EDEM2: variants seen among roughly 807,000 people sequenced by gnomAD.
EDEM2 encodes ER degradation-enhancing alpha-mannosidase-like protein 2.
A neutral mutation model predicts 64.8 loss-of-function variants in EDEM2; 39 were observed. The observed-to-expected ratio is 0.60, with a 90% confidence interval of 0.47 to 0.79. The LOEUF is 0.79. Ranked by LOEUF, EDEM2 falls within the 30% of genes least tolerant of loss-of-function variation. The pLI is 0.00. For synonymous variants in EDEM2, 296 were observed against 291.5 expected (o/e 1.02, Z -0.16); for missense variants, 609 against 731.3 (o/e 0.83, Z 1.93).
intron 6 of EDEM2, among the ~76,000 whole-genome samples, chr20:35,133,169 G>C (rs906812461): frequency 3.3e-5 from 5 of 152,086 alleles, no homozygotes; most frequent in Non-Finnish European, 5.9e-5. Context: ...GCAGGGAACT[G>C]GAATGTTTAT....
At chr20:35,120,420 C>T (rs1212928326) in intron 9 of EDEM2, among the ~76,000 whole-genome samples, 1 of 151,964 alleles carries the variant, frequency 6.6e-6, no homozygotes, top group East Asian at 1.9e-4. Flanking sequence ...TCTCTTACTT[C>T]CTCCTCCCCT....
chr20:35,147,331 G>A lies in EDEM2; in HGVS notation c.-73C>T. 12 of 1,371,520 alleles carry A rather than the reference G, an allele frequency of 8.7e-6. No homozygotes were observed. Among genetic ancestry groups the A allele is most frequent in the Non-Finnish European group, 1.1e-5 (12 of 1,053,026 alleles). 85.0% of individuals were successfully genotyped at this position (1,371,520 alleles called of 1,614,324 possible). ...ACCAGTTCATCCTGGGAGCTGCTGC[G>A]GGTTCTTCCGGGAATCCGCGCCACT... is the stretch of plus-strand genomic sequence containing the variant. On this transcript the variant is annotated 5_prime_UTR_variant, in exon 1 of 11. Coordinates refer to ENST00000374492, the MANE Select transcript of EDEM2 (RefSeq NM_018217.3).
intron 6 of EDEM2, chr20:35,134,056 C>CA (rs1318468546): frequency 2.2e-6 from 1 of 455,406 alleles, no homozygotes; most frequent in East Asian, 6.9e-5. Flanking sequence ...GGCTTTGGCT[C>CA]AATTACTGTT....
chr20:35,115,407 A>G lies in EDEM2; in HGVS notation c.*26T>C, dbSNP rs950279111. 1 of 1,586,040 alleles carries G rather than the reference A, an allele frequency of 6.3e-7. No homozygotes were observed. The highest frequency in any genetic ancestry group is 8.6e-7 in the Non-Finnish European group (1 of 1,169,482). On this transcript the variant is annotated 3_prime_UTR_variant, in exon 11 of 11. Transcript: ENST00000374492. ...TTTATTATAGTTTAGCCTCAAAAAAATAAAAATAAAAAAATTATCCAGTGG... is the reference window on the plus strand; with the variant it reads ...TTTATTATAGTTTAGCCTCAAAAAAGTAAAAATAAAAAAATTATCCAGTGG...
intron 5 of EDEM2, among the ~76,000 whole-genome samples, chr20:35,136,712 G>A (rs902236686): frequency 2.1e-5 from 3 of 140,842 alleles, no homozygotes; most frequent in Non-Finnish European, 4.5e-5. Flanking sequence ...CCATGATCAC[G>A]CCACTGCACT....
intron 7 of EDEM2, among the ~76,000 whole-genome samples, chr20:35,127,243 A>C (rs550798460): frequency 2.8e-4 from 42 of 152,330 alleles, no homozygotes; most frequent in African/African-American, 9.6e-4. Flanking sequence ...TTTTCTTTAT[A>C]AATTACCCAG....
At position 35,115,650 on chromosome 20, in the gene EDEM2, G is replaced by C; in HGVS notation, c.1520C>G (p.Ser507Cys). ...AAATTTCGACCTGCTCCGTTTGAGAGAGTAGAATTCCCTCATCAAGTCCTC... is the reference window on the plus strand; with the variant it reads ...AAATTTCGACCTGCTCCGTTTGAGACAGTAGAATTCCCTCATCAAGTCCTC... ...EVEDLMREFY[S>C]LKRSRSKFQK... The change falls in exon 11 of 11, where the codon TCT becomes TGT. Residue 507 changes from serine to cysteine, a missense_variant. Physicochemically the swap from Ser to Cys is moderately radical, Grantham distance 112. Coordinates refer to ENST00000374492, the MANE Select transcript of EDEM2 (RefSeq NM_018217.3). 6.2e-7 allele frequency: 1 copy of C among 1,614,064 alleles called. No homozygotes were observed. Among genetic ancestry groups the C allele is most frequent in the Non-Finnish European group, 8.5e-7 (1 of 1,180,040 alleles).
At position 35,142,483 on chromosome 20, in the gene EDEM2, AAATAAAAAAGAGACCTGAC is replaced by A. The variant is rs1318387763; in HGVS notation, c.259-24_259-6del. On this transcript the variant is annotated splice_region_variant and splice_polypyrimidine_tract_variant and intron_variant, in intron 3 of 10. Coordinates refer to ENST00000374492, the MANE Select transcript of EDEM2 (RefSeq NM_018217.3). ...TTCTGAGACATTCCCCAAAATCTGGAAATAAAAAAGAGACCTGACAATGAGGCTCTTACATGCATGGAGG... is the reference window on the plus strand; with the variant it reads ...TTCTGAGACATTCCCCAAAATCTGGAAATGAGGCTCTTACATGCATGGAGG... 6 of 1,611,302 alleles carry A rather than the reference AAATAAAAAAGAGACCTGAC, an allele frequency of 3.7e-6. No homozygotes were observed. In the Admixed American group the frequency reaches 1.0e-4, roughly 27 times the overall value.
chr20:35,135,518 G>A (rs1457350670), intron 5 of EDEM2, among the ~76,000 whole-genome samples: 1 of 152,194 alleles, frequency 6.6e-6, no homozygotes, highest in Non-Finnish European at 1.5e-5. Context: ...AAGCGTGGTG[G>A]TGCACGCCTG....
In EDEM2 at chr20:35,115,841, T is replaced by A. The variant is rs750693418; in HGVS notation, c.1329A>T (p.Pro443=). Residue 443 remains proline (P), a synonymous_variant, in exon 11 of 11, where the codon CCA becomes CCT. Transcript: ENST00000374492. ...TVKYLYLLFD[P]TNFIHNNGST... The stretch of plus-strand genomic sequence containing the variant: ...ACCCATTGTTGTGGATGAAGTTGGT[T>A]GGGTCAAACAGGAGGTAGAGGTATT... The A allele has an allele frequency of 6.2e-7, 1 of 1,613,634 alleles. No homozygotes were observed. Among genetic ancestry groups the A allele is most frequent in the African/African-American group, 1.3e-5 (1 of 74,546 alleles).
At position 35,140,895 on chromosome 20, in the gene EDEM2, G is replaced by A. The variant is rs150527546; in HGVS notation, c.364+1478C>T. ...GCACTTTGGGAGGCTGATGGGGGGC[G>A]GATCACCTGAGGTCAGGAGTTCGAG... On this transcript the variant is annotated intron_variant, in intron 4 of 10. Coordinates refer to ENST00000374492, the MANE Select transcript of EDEM2 (RefSeq NM_018217.3). Among the ~76,000 whole-genome samples, 590 of 152,132 alleles carry A rather than the reference G, an allele frequency of 3.9e-3. 6 individuals carry two copies. Among genetic ancestry groups the A allele is most frequent in the African/African-American group, 0.013 (556 of 41,510 alleles).
intron 5 of EDEM2, among the ~76,000 whole-genome samples, chr20:35,136,418 C>T (rs75648520): frequency 0.091 from 13,888 of 152,142 alleles, 729 homozygotes; most frequent in South Asian, 0.16. Context: ...CTAGCTCACC[C>T]GCTATCCTCA....
At chr20:35,128,287 G>GTGGGTGGAGAT (rs2085462787) in intron 7 of EDEM2, among the ~76,000 whole-genome samples, 17 of 150,484 alleles carry the variant, frequency 1.1e-4, no homozygotes, top group African/African-American at 2.0e-4. Flanking sequence ...GGAGGCTGAG[G>GTGGGTGGAGAT]CAGGAGAATG....
intron 8 of EDEM2, among the ~76,000 whole-genome samples, chr20:35,125,446 G>T (rs192079459): frequency 1.3e-5 from 2 of 151,632 alleles, no homozygotes; most frequent in African/African-American, 2.4e-5. Flanking sequence ...GTGCAGTGGC[G>T]CAATCTCAGC....
Position 35,118,709 on chromosome 20 carries a change from T to C in EDEM2, c.1125A>G (p.Glu375=). Residue 375 remains glutamate (E), a synonymous_variant, in exon 10 of 11, where the codon GAA becomes GAG. Coordinates refer to ENST00000374492, the MANE Select transcript of EDEM2 (RefSeq NM_018217.3). ...TGGCACGGTAGAGGTACATTGCGCT[T>C]TCAATAAGTTCTGCAAAGTCCAAAG... ...EGYPLRPELI[E]SAMYLYRATG... 2 of 1,612,256 alleles carry C rather than the reference T, an allele frequency of 1.2e-6. No homozygotes were observed. The highest frequency in any genetic ancestry group is 2.2e-5 in the South Asian group (2 of 90,998).
rs145409721 is a variant in EDEM2, at chr20:35,142,646, T to C, written c.259-168A>G. On this transcript the variant is annotated intron_variant, in intron 3 of 10. Coordinates refer to ENST00000374492, the MANE Select transcript of EDEM2 (RefSeq NM_018217.3). The stretch of plus-strand genomic sequence containing the variant: ...AAAACACTGAGAGCTAGAAATCATC[T>C]AGAGACTTCATACCAAGAGACTGGT... Among the ~76,000 whole-genome samples, 3 of 152,314 alleles carry C rather than the reference T, an allele frequency of 2.0e-5. No individual in the cohort carries two copies. In the East Asian group the frequency reaches 5.8e-4, roughly 29 times the overall value.
chr20:35,141,472 C>T (rs1439924376), intron 4 of EDEM2, among the ~76,000 whole-genome samples: 1 of 152,218 alleles, frequency 6.6e-6, no homozygotes, highest in African/African-American at 2.4e-5. Context: ...CAGCCTCAAA[C>T]TCAGGCCGGA....
At chr20:35,118,833 T>C in intron 9 of EDEM2, 114 bp from the exon 10 acceptor site, 1 of 1,446,600 alleles carries the variant, frequency 6.9e-7, no homozygotes, top group East Asian at 2.4e-5. Flanking sequence ...AGGCCCCAAC[T>C]AGCAGGAACA....
At position 35,147,300 on chromosome 20, in the gene EDEM2, A is replaced by G. The variant is rs1343111347; in HGVS notation, c.-42T>C. The G allele has an allele frequency of 6.9e-7, 1 of 1,457,780 alleles. No individual in the cohort carries two copies. Among genetic ancestry groups the G allele is most frequent in the Non-Finnish European group, 9.1e-7 (1 of 1,100,844 alleles). 90.3% of individuals were successfully genotyped at this position (1,457,780 alleles called of 1,614,324 possible). A position where few individuals can be genotyped will look rare whatever the true frequency, so the allele number is the denominator to read the frequency against. On this transcript the variant is annotated 5_prime_UTR_variant, in exon 1 of 11. Coordinates refer to ENST00000374492, the MANE Select transcript of EDEM2 (RefSeq NM_018217.3). ...CAGCGCCCCCGCAGCAGCAGCAGCC[A>G]CTGCAACCAGTTCATCCTGGGAGCT...
Sources: gnomAD v4.1 joint callset for allele counts (sites outside exome capture counted in the v4.1 genomes callset) on GRCh38, gnomAD v4.1.1 for gene constraint, MANE v1.5 for transcripts, NCBI Gene and HGNC (gene_info 2026-07-23, HGNC 2026-07-21) for gene names.